The following GPR39 variants were observed in gnomAD, a reference collection of about 807,000 sequenced individuals.
GPR39 encodes the protein G protein-coupled receptor 39.
A neutral mutation model predicts 18.4 loss-of-function variants in GPR39; 23 were observed. That is an observed-to-expected ratio of 1.25 (90% confidence interval 0.90 to 1.77). The LOEUF is 1.77. Ranked by LOEUF, GPR39 falls within the 40% of genes most tolerant of loss-of-function variation. The pLI is 0.00. For synonymous variants in GPR39, 280 were observed against 257.9 expected, an observed-to-expected ratio of 1.09 and a Z score of -0.82; for missense variants, 647 against 602.4, an observed-to-expected ratio of 1.07 and a Z score of -0.78.
At chr2:132,489,233 G>A (rs6430356) in intron 1 of GPR39, 10,650 of 189,876 alleles carry the variant, frequency 0.056, 1,362 homozygotes, top group African/African-American at 0.24. Context: ...TGTTTCTTAC[G>A]CTGAAATATT....
intron 1 of GPR39, among the ~76,000 whole-genome samples, chr2:132,591,481 G>A (rs1680842806): frequency 6.6e-6 from 1 of 152,098 alleles, no homozygotes; most frequent in Non-Finnish European, 1.5e-5. Flanking sequence ...TACTTTTGAG[G>A]TTTGGGGACT....
chr2:132,638,026 G>A (rs912412400), intron 1 of GPR39, among the ~76,000 whole-genome samples: 2 of 151,988 alleles, frequency 1.3e-5, no homozygotes, highest in African/African-American at 2.4e-5. Context: ...GAAAAGAGAT[G>A]TGATTGCTTT....
intron 1 of GPR39, among the ~76,000 whole-genome samples, chr2:132,544,413 C>A (rs1309905571): frequency 6.6e-6 from 1 of 152,192 alleles, no homozygotes; most frequent in Non-Finnish European, 1.5e-5. Flanking sequence ...ATCAATCAGC[C>A]CAGGCCAGCT....
rs531223743 is a variant in GPR39, at chr2:132,464,410, AG to A, written c.856+46514del. Reference sequence around the variant, plus strand: ...CTCAGGAGGATCCCAGTATTCCCTAAGGATAGTGCAGTATGCCTAGACTATT... The same window carrying A: ...CTCAGGAGGATCCCAGTATTCCCTAAGATAGTGCAGTATGCCTAGACTATT... On this transcript the variant is annotated intron_variant, in intron 1 of 1. Coordinates refer to ENST00000329321, the MANE Select transcript of GPR39 (RefSeq NM_001508.3). Among the ~76,000 whole-genome samples, 708 of 152,318 alleles carry A rather than the reference AG, an allele frequency of 4.6e-3. 3 individuals carry two copies. Among genetic ancestry groups the A allele is most frequent in the African/African-American group, 0.016 (678 of 41,582 alleles).
At chr2:132,529,494 T>TAA (rs1679572817) in intron 1 of GPR39, among the ~76,000 whole-genome samples, 6 of 152,190 alleles carry the variant, frequency 3.9e-5, no homozygotes, top group Admixed American at 3.9e-4. Flanking sequence ...CTGACAGCTT[T>TAA]GAAAAGAGTA....
intron 1 of GPR39, among the ~76,000 whole-genome samples, chr2:132,492,728 C>T (rs1319730008): frequency 1.5e-5 from 1 of 65,294 alleles, no homozygotes; most frequent in South Asian, 5.3e-4. Flanking sequence ...ATATATATAC[C>T]ATATATATAT....
At chr2:132,609,451 T>A (rs1681201633) in intron 1 of GPR39, among the ~76,000 whole-genome samples, 1 of 152,170 alleles carries the variant, frequency 6.6e-6, no homozygotes, top group African/African-American at 2.4e-5. Context: ...TGAAATCACT[T>A]ATACAAAGTT....
At chr2:132,430,722 G>A (rs760839904) in intron 1 of GPR39, among the ~76,000 whole-genome samples, 31 of 152,138 alleles carry the variant, frequency 2.0e-4, no homozygotes, top group East Asian at 7.7e-4. Flanking sequence ...GGACAGTGCC[G>A]TCAAGACTGC....
chr2:132,573,018 T>C (rs1215039649), intron 1 of GPR39, among the ~76,000 whole-genome samples: 1 of 152,084 alleles, frequency 6.6e-6, no homozygotes, highest in African/African-American at 2.4e-5. Context: ...TGGGTGCCCA[T>C]TGTGGAAGTG....
chr2:132,431,997 G>A (rs1680231955), intron 1 of GPR39, among the ~76,000 whole-genome samples: 1 of 152,154 alleles, frequency 6.6e-6, no homozygotes, highest in Admixed American at 6.5e-5. Flanking sequence ...TCCAGTTGCT[G>A]GTGACTGCTG....
chr2:132,585,748 G>A (rs1355448461), intron 1 of GPR39, among the ~76,000 whole-genome samples: 1 of 152,000 alleles, frequency 6.6e-6, no homozygotes. Context: ...ACAGCCCGGT[G>A]TTTTCTAATA....
At chr2:132,532,785 A>G (rs1679665509) in intron 1 of GPR39, among the ~76,000 whole-genome samples, 1 of 150,198 alleles carries the variant, frequency 6.7e-6, no homozygotes, top group African/African-American at 2.5e-5. Flanking sequence ...GCCTTTGACA[A>G]AATTCAACAA....
intron 1 of GPR39, among the ~76,000 whole-genome samples, chr2:132,594,266 A>T (rs924173315): frequency 1.3e-5 from 2 of 152,156 alleles, no homozygotes; most frequent in Non-Finnish European, 2.9e-5. Context: ...GACACCATTC[A>T]TTAAAAGGAA....
intron 1 of GPR39, among the ~76,000 whole-genome samples, chr2:132,593,045 T>C (rs773189891): frequency 6.6e-6 from 1 of 152,174 alleles, no homozygotes; most frequent in Non-Finnish European, 1.5e-5. Context: ...ATACTTAAGA[T>C]TACAGTTTTA....
chr2:132,487,957 A>T (rs1681375201), intron 1 of GPR39, among the ~76,000 whole-genome samples: 1 of 152,230 alleles, frequency 6.6e-6, no homozygotes, highest in African/African-American at 2.4e-5. Flanking sequence ...CAAAAAGTCC[A>T]CAACTCAACA....
At chr2:132,560,748 C>T (rs2104803531) in intron 1 of GPR39, among the ~76,000 whole-genome samples, 1 of 152,300 alleles carries the variant, frequency 6.6e-6, no homozygotes, top group Non-Finnish European at 1.5e-5. Flanking sequence ...CCAGCTTCTC[C>T]TCTCTCCAAA....
intron 1 of GPR39, among the ~76,000 whole-genome samples, chr2:132,492,475 TAC>T (rs1324258060): frequency 7.0e-6 from 1 of 142,770 alleles, no homozygotes; most frequent in Non-Finnish European, 1.5e-5. Context: ...ACCATATATA[TAC>T]ACCATATATA....
intron 1 of GPR39, among the ~76,000 whole-genome samples, chr2:132,458,934 T>C (rs1243193952): frequency 1.3e-5 from 2 of 152,204 alleles, no homozygotes. Flanking sequence ...TGTGTCTCCT[T>C]ATTCAACCCA....
rs142704181 is a variant in GPR39, at chr2:132,439,331, G to T, written c.856+21433G>T. Among the ~76,000 whole-genome samples, 699 of 152,282 alleles carry T rather than the reference G, an allele frequency of 4.6e-3. 5 individuals carry two copies. Among genetic ancestry groups the T allele is most frequent in the African/African-American group, 0.016 (645 of 41,538 alleles). Reference sequence around the variant, plus strand: ...AGGCTAATGTGCAGCTCAAAATAAAGGTACCTGGGTAGAAATAACCCCTCA... The same window carrying T: ...AGGCTAATGTGCAGCTCAAAATAAATGTACCTGGGTAGAAATAACCCCTCA... On this transcript the variant is annotated intron_variant, in intron 1 of 1. Coordinates refer to ENST00000329321, the MANE Select transcript of GPR39 (RefSeq NM_001508.3).
Sources: gnomAD v4.1 joint callset for allele counts (sites outside exome capture counted in the v4.1 genomes callset) on GRCh38, gnomAD v4.1.1 for gene constraint, MANE v1.5 for transcripts, NCBI Gene and HGNC (gene_info 2026-07-23, HGNC 2026-07-21) for gene names.